The following CDA variants were observed in gnomAD, a reference collection of about 807,000 sequenced individuals.
CDA encodes cytidine aminohydrolase.
A neutral mutation model predicts 15.0 loss-of-function variants in CDA; 7 were observed. The ratio of observed to expected loss-of-function variants is 0.47; its 90% CI spans 0.26 to 0.87. CDA has a LOEUF of 0.87. Ranked by LOEUF, CDA falls within the 40% of genes least tolerant of loss-of-function variation. The pLI, the probability that CDA is intolerant of heterozygous loss-of-function variation, is 0.15. For missense variants in CDA, 159 were observed against 182.7 expected (o/e 0.87, Z 0.75); for synonymous variants, 58 against 73.0 (o/e 0.79, Z 1.05).
chr1:20,603,895 C>G lies in CDA; in HGVS notation c.155-1033C>G, dbSNP rs147907215. Reference sequence around the variant, plus strand: ...TAGGAGCAGCCTTGGCTTATTGTCCCCCAGCAACAACCCTGAGAGAGCCAA... The same window carrying G: ...TAGGAGCAGCCTTGGCTTATTGTCCGCCAGCAACAACCCTGAGAGAGCCAA... On this transcript the variant is annotated intron_variant, in intron 1 of 3. Coordinates refer to ENST00000375071, the MANE Select transcript of CDA (RefSeq NM_001785.3). Among the ~76,000 whole-genome samples the G allele has an allele frequency of 2.4e-3, 358 of 152,220 alleles. 3 individuals carry two copies. Among genetic ancestry groups the G allele is most frequent in the African/African-American group, 8.2e-3 (342 of 41,532 alleles).
intron 1 of CDA, among the ~76,000 whole-genome samples, chr1:20,593,761 G>A (rs1269317024): frequency 6.6e-6 from 1 of 152,124 alleles, no homozygotes; most frequent in Non-Finnish European, 1.5e-5. Context: ...TTTTTATAGC[G>A]ATGAGGTCTT....
Position 20,618,767 on chromosome 1 carries a change from C to G in CDA, c.*199C>G. On this transcript the variant is annotated 3_prime_UTR_variant, in exon 4 of 4. Coordinates refer to ENST00000375071, the MANE Select transcript of CDA (RefSeq NM_001785.3). ...GGACTTAGAACACCGCCGCCCCCTG[C>G]CCCACCTTTCCTTTCCTTCCTGTGG... The G allele has an allele frequency of 1.8e-6, 1 of 569,214 alleles. No homozygotes were observed. 35.3% of individuals were successfully genotyped at this position (569,214 alleles called of 1,614,324 possible). A position where few individuals can be genotyped will look rare whatever the true frequency, so the allele number is the denominator to read the frequency against.
At chr1:20,607,202 G>A (rs1430930664) in intron 2 of CDA, among the ~76,000 whole-genome samples, 1 of 152,202 alleles carries the variant, frequency 6.6e-6, no homozygotes, top group Non-Finnish European at 1.5e-5. Context: ...GGCCAGTGGG[G>A]ACTGCACAGA....
chr1:20,601,595 G>A (rs2052644254), intron 1 of CDA, among the ~76,000 whole-genome samples: 1 of 152,150 alleles, frequency 6.6e-6, no homozygotes, highest in South Asian at 2.1e-4. Context: ...ACCCTGACAA[G>A]GGACCTGCAG....
At chr1:20,611,808 T>G (rs919759721) in intron 2 of CDA, among the ~76,000 whole-genome samples, 5 of 152,258 alleles carry the variant, frequency 3.3e-5, no homozygotes, top group African/African-American at 1.2e-4. Context: ...TTTTTCTCTC[T>G]GAGACACATG....
chr1:20,589,340 G>A (rs2052527830), intron 1 of CDA, 57 bp downstream of exon 1: 2 of 1,554,838 alleles, frequency 1.3e-6, no homozygotes, highest in Middle Eastern at 1.8e-4. Flanking sequence ...TGGGTCAGAG[G>A]AAGATGTACA....
At chr1:20,592,343 A>G (rs2052556751) in intron 1 of CDA, among the ~76,000 whole-genome samples, 2 of 152,186 alleles carry the variant, frequency 1.3e-5, no homozygotes, top group South Asian at 4.1e-4. Context: ...TAAAGCATTC[A>G]GCGCATTTTC....
At chr1:20,599,647 T>TAAAATAAAATAAAATAAAAC (rs568052436) in intron 1 of CDA, among the ~76,000 whole-genome samples, 3,428 of 146,748 alleles carry the variant, frequency 0.023, 59 homozygotes, top group Non-Finnish European at 0.031. Context: ...TAAAATAAAA[T>TAAAATAAAATAAAATAAAAC]AAAACAAAAT....
Position 20,589,194 on chromosome 1 carries a change from C to A in CDA, c.65C>A (p.Ser22Tyr). Residue 22 changes from serine (S) to tyrosine (Y), a missense_variant, in exon 1 of 4, where the codon TCC becomes TAC. By Grantham distance (144) the Ser-to-Tyr change is moderately radical. Coordinates refer to ENST00000375071, the MANE Select transcript of CDA (RefSeq NM_001785.3). Reference sequence around the variant, plus strand: ...TGTGTCCAGCAGCTGCTGGTTTGCTCCCAGGAGGCCAAGAAGTCAGCCTAC... The same window carrying A: ...TGTGTCCAGCAGCTGCTGGTTTGCTACCAGGAGGCCAAGAAGTCAGCCTAC... ...PECVQQLLVC[S>Y]QEAKKSAYCP... The A allele has an allele frequency of 1.2e-6, 2 of 1,613,860 alleles. No individual in the cohort carries two copies.
chr1:20,601,317 G>T (rs1015040746), intron 1 of CDA, among the ~76,000 whole-genome samples: 1 of 152,182 alleles, frequency 6.6e-6, no homozygotes, highest in Non-Finnish European at 1.5e-5. Flanking sequence ...TTTGAGTCAG[G>T]TGTTCATCTT....
intron 3 of CDA, 101 bp from the exon 4 acceptor site, chr1:20,618,349 AAG>A: frequency 1.4e-6 from 1 of 722,704 alleles, no homozygotes; most frequent in South Asian, 1.5e-5. Context: ...AATCAAGGTA[AAG>A]AGAGGAACAT....
chr1:20,617,662 G>A (rs568805098), intron 3 of CDA, among the ~76,000 whole-genome samples: 1 of 151,838 alleles, frequency 6.6e-6, no homozygotes, highest in South Asian at 2.1e-4. Flanking sequence ...ATGTGGAACT[G>A]TGAGTCCATT....
intron 2 of CDA, among the ~76,000 whole-genome samples, chr1:20,607,713 G>A (rs1428066326): frequency 6.6e-6 from 1 of 152,154 alleles, no homozygotes; most frequent in East Asian, 1.9e-4. Context: ...CCCAACTGCT[G>A]TACTCTAGGT....
intron 2 of CDA, among the ~76,000 whole-genome samples, chr1:20,606,986 C>T (rs1394669856): frequency 6.6e-6 from 1 of 152,088 alleles, no homozygotes; most frequent in Non-Finnish European, 1.5e-5. Flanking sequence ...ATGTTGATCC[C>T]ACCCAGAAGG....
chr1:20,609,609 G>A (rs1220273521), intron 2 of CDA, among the ~76,000 whole-genome samples: 1 of 152,228 alleles, frequency 6.6e-6, no homozygotes, highest in Non-Finnish European at 1.5e-5. Flanking sequence ...CCCTAACCAT[G>A]CCTTTGTTAC....
Position 20,606,176 on chromosome 1 carries a change from G to A in CDA, c.266+1137G>A, listed in dbSNP as rs1487433434. 2.2e-5 allele frequency among the ~76,000 whole-genome samples: 2 copies of A among 90,050 alleles called. 1 individual carries two copies. The highest frequency in any genetic ancestry group is 5.1e-5 in the Non-Finnish European group (2 of 39,476). 59.1% of individuals were successfully genotyped at this position (90,050 alleles called of 152,430 possible). On this transcript the variant is annotated intron_variant, in intron 2 of 3. Coordinates refer to ENST00000375071, the MANE Select transcript of CDA (RefSeq NM_001785.3). Reference sequence around the variant, plus strand: ...CGAGGTGTGTCCTGGCTTCCTTAAGGCTTCCGGAGGAATAAATGACGGTTG... The same window carrying A: ...CGAGGTGTGTCCTGGCTTCCTTAAGACTTCCGGAGGAATAAATGACGGTTG...
At chr1:20,593,086 C>T (rs2052563586) in intron 1 of CDA, among the ~76,000 whole-genome samples, 1 of 152,038 alleles carries the variant, frequency 6.6e-6, no homozygotes, top group Non-Finnish European at 1.5e-5. Context: ...GAATGAGACC[C>T]TGTCTCAAAA....
At chr1:20,608,721 T>C (rs557219) in intron 2 of CDA, among the ~76,000 whole-genome samples, 148,910 of 152,334 alleles carry the variant, frequency 0.98, 72,880 homozygotes, top group East Asian at 1. Flanking sequence ...CAAACTATTA[T>C]ATTGTTTTAA....
chr1:20,596,386 A>T (rs1461079506), intron 1 of CDA, among the ~76,000 whole-genome samples: 1 of 151,940 alleles, frequency 6.6e-6, no homozygotes, highest in Non-Finnish European at 1.5e-5. Flanking sequence ...AAAATTTGAA[A>T]TTTTTGAGCT....
Sources: allele counts gnomAD v4.1 joint callset (sites outside exome capture counted in the v4.1 genomes callset), GRCh38; gene constraint gnomAD v4.1.1; transcripts MANE v1.5; gene names NCBI Gene and HGNC (gene_info 2026-07-23, HGNC 2026-07-21).